Variants in B3GALT1 observed in about 807,000 individuals in gnomAD.
B3GALT1 encodes beta-1,3-galactosyltransferase 1.
In B3GALT1, 10 loss-of-function variants were observed where a neutral mutation model predicts 23.2. The observed-to-expected ratio is 0.43, with a 90% CI of 0.27 to 0.73. B3GALT1 has a LOEUF of 0.73. Among genes scored for constraint, B3GALT1 ranks in the 30% least tolerant of loss-of-function variants. The pLI is 0.21. For synonymous variants in B3GALT1, 156 were observed against 141.5 expected (o/e 1.10, Z -0.73); for missense variants, 299 against 405.4 (o/e 0.74, Z 2.25).
chr2:167,435,533 C>T (rs1698771620), intron 1 of B3GALT1, among the ~76,000 whole-genome samples: 1 of 145,678 alleles, frequency 6.9e-6, no homozygotes, highest in South Asian at 2.2e-4. Context: ...CCTTGGATAT[C>T]CAAAAATGTT....
At chr2:167,351,967 T>TTTTTTTTTTTTTTTTTTTTTG in intron 1 of B3GALT1, among the ~76,000 whole-genome samples, 1 of 147,040 alleles carries the variant, frequency 6.8e-6, no homozygotes. Flanking sequence ...TTTTTTTTTT[T>TTTTTTTTTTTTTTTTTTTTTG]TTTTTTTTTT....
chr2:167,369,696 G>A (rs1010554501), intron 1 of B3GALT1, among the ~76,000 whole-genome samples: 11 of 152,124 alleles, frequency 7.2e-5, no homozygotes, highest in East Asian at 3.9e-4. Flanking sequence ...TTGCAGGTCC[G>A]GAACAAGATG....
At chr2:167,556,739 G>A (rs1236837) in intron 2 of B3GALT1, among the ~76,000 whole-genome samples, 53,357 of 151,904 alleles carry the variant, frequency 0.35, 10,447 homozygotes, top group East Asian at 0.85. Flanking sequence ...GAAAATGTTC[G>A]TTCACTGCAA....
intron 3 of B3GALT1, among the ~76,000 whole-genome samples, chr2:167,787,201 T>C (rs1408373904): frequency 6.6e-6 from 1 of 152,190 alleles, no homozygotes; most frequent in Non-Finnish European, 1.5e-5. Flanking sequence ...TGCTCCATCC[T>C]AACAGTGTTG....
At chr2:167,764,999 A>C (rs1263814703) in intron 3 of B3GALT1, among the ~76,000 whole-genome samples, 2 of 152,132 alleles carry the variant, frequency 1.3e-5, no homozygotes, top group African/African-American at 4.8e-5. Context: ...CCAGATCATA[A>C]TGGAGATGGG....
chr2:167,783,927 G>A (rs942537554), intron 3 of B3GALT1, among the ~76,000 whole-genome samples: 10 of 152,192 alleles, frequency 6.6e-5, no homozygotes, highest in Admixed American at 6.5e-4. Flanking sequence ...GTGTAAAACA[G>A]AAATAAGCAT....
intron 2 of B3GALT1, among the ~76,000 whole-genome samples, chr2:167,509,932 T>G (rs1699979884): frequency 6.8e-6 from 1 of 146,632 alleles, no homozygotes; most frequent in Non-Finnish European, 1.6e-5. Flanking sequence ...TGAGAGCATT[T>G]GGAAAACAAA....
chr2:167,542,804 T>C (rs1276061247), intron 2 of B3GALT1, among the ~76,000 whole-genome samples: 1 of 151,970 alleles, frequency 6.6e-6, no homozygotes, highest in African/African-American at 2.4e-5. Flanking sequence ...AAAGCTTTTT[T>C]TTTTTTTGTA....
chr2:167,623,086 T>G (rs1448809733), intron 2 of B3GALT1, among the ~76,000 whole-genome samples: 2 of 152,144 alleles, frequency 1.3e-5, no homozygotes, highest in African/African-American at 4.8e-5. Context: ...CTCACGCCAG[T>G]TAGAATGGCG....
chr2:167,859,592 GT>G (rs58470550), intron 4 of B3GALT1, among the ~76,000 whole-genome samples: 6,256 of 152,120 alleles, frequency 0.041, 141 homozygotes, highest in South Asian at 0.065. Context: ...AAATGTCAAG[GT>G]ATATTAAACT....
At chr2:167,589,573 C>T (rs936201510) in intron 2 of B3GALT1, among the ~76,000 whole-genome samples, 1 of 152,038 alleles carries the variant, frequency 6.6e-6, no homozygotes, top group East Asian at 1.9e-4. Context: ...ACACTTTGCC[C>T]ACAAATTTAA....
At chr2:167,332,535 T>C (rs538981890) in intron 1 of B3GALT1, among the ~76,000 whole-genome samples, 1 of 152,360 alleles carries the variant, frequency 6.6e-6, no homozygotes, top group East Asian at 1.9e-4. Flanking sequence ...GTTAAGGATA[T>C]GTGTCACATC....
chr2:167,325,255 C>G (rs536451830), intron 1 of B3GALT1, among the ~76,000 whole-genome samples: 56 of 151,722 alleles, frequency 3.7e-4, no homozygotes, highest in African/African-American at 1.3e-3. Context: ...TTTGTTCTTG[C>G]ATTGCTATGG....
chr2:167,666,431 T>C (rs1273417354), intron 3 of B3GALT1, among the ~76,000 whole-genome samples: 1 of 152,062 alleles, frequency 6.6e-6, no homozygotes, highest in Non-Finnish European at 1.5e-5. Context: ...ATTCTGTTGA[T>C]TTGGGGTGGA....
chr2:167,779,384 G>T (rs1218117039), intron 3 of B3GALT1, among the ~76,000 whole-genome samples: 1 of 152,172 alleles, frequency 6.6e-6, no homozygotes, highest in East Asian at 1.9e-4. Context: ...AATGTCTCAG[G>T]CTGGTAAATA....
intron 4 of B3GALT1, among the ~76,000 whole-genome samples, chr2:167,827,229 A>G (rs577414642): frequency 1.3e-5 from 2 of 152,260 alleles, no homozygotes; most frequent in South Asian, 4.1e-4. Context: ...TTTAAGATTC[A>G]CCTGCCAGTT....
At position 167,598,490 on chromosome 2, in the gene B3GALT1, T is replaced by C. The variant is rs1371728738; in HGVS notation, c.-409-48419T>C. The stretch of plus-strand genomic sequence containing the variant: ...CTGTGCAGAATTTAAGTTTTGTCGC[T>C]GTAGAAAAGTACTTATAAAATGGAA... On this transcript the variant is annotated intron_variant, in intron 2 of 4. Transcript: ENST00000392690. 3.9e-5 allele frequency among the ~76,000 whole-genome samples: 6 copies of C among 152,264 alleles called. No individual in the cohort carries two copies. In the East Asian group the frequency reaches 5.8e-4, roughly 15 times the overall value.
chr2:167,486,587 G>A (rs773932289), intron 1 of B3GALT1, among the ~76,000 whole-genome samples: 6 of 151,588 alleles, frequency 4.0e-5, no homozygotes, highest in Admixed American at 6.6e-5. Flanking sequence ...GTGTTGTGGC[G>A]CACGCCTGTA....
At chr2:167,802,475 A>C (rs1688657113) in intron 3 of B3GALT1, among the ~76,000 whole-genome samples, 1 of 152,198 alleles carries the variant, frequency 6.6e-6, no homozygotes. Context: ...AACAATACAG[A>C]GGTCTAGAGA....
Sources: allele counts gnomAD v4.1 joint callset (sites outside exome capture counted in the v4.1 genomes callset), GRCh38; gene constraint gnomAD v4.1.1; transcripts MANE v1.5; gene names NCBI Gene and HGNC (gene_info 2026-07-23, HGNC 2026-07-21).